The following PTPRE variants were observed in gnomAD, a reference collection of about 807,000 sequenced individuals.
The protein encoded by PTPRE is protein tyrosine phosphatase receptor type E, also known as receptor-type tyrosine-protein phosphatase epsilon.
In PTPRE, 51 loss-of-function variants were observed where a neutral mutation model predicts 102.0. That is an observed-to-expected ratio of 0.50 (90% CI 0.40 to 0.63). The LOEUF (loss-of-function observed/expected upper bound fraction) is 0.63, where lower values mean the gene tolerates loss of function less well. Ranked by LOEUF, PTPRE falls within the 30% of genes least tolerant of loss-of-function variation. PTPRE has a pLI of 0.00. For missense variants in PTPRE, 752 were observed against 915.1 expected, an observed-to-expected ratio of 0.82 and a Z score of 2.30; for synonymous variants, 345 against 348.2, an observed-to-expected ratio of 0.99 and a Z score of 0.10.
chr10:127,958,138 T>C lies in PTPRE; in HGVS notation c.-30-24136T>C, dbSNP rs554237035. Among the ~76,000 whole-genome samples the C allele has an allele frequency of 2.6e-5, 4 of 152,356 alleles. No homozygotes were observed. The East Asian group carries it at 7.7e-4, about 29-fold the overall frequency. On this transcript the variant is annotated intron_variant, in intron 1 of 20. Transcript: ENST00000254667. ...GTTACATAGATAATCATGTAATCTG[T>C]GAACAAAAATATTTGCATTTTTTAC...
chr10:128,057,183 C>T (rs1319980033), intron 7 of PTPRE, among the ~76,000 whole-genome samples: 2 of 151,668 alleles, frequency 1.3e-5, no homozygotes, highest in African/African-American at 4.8e-5. Flanking sequence ...CGCCATTGCA[C>T]TCCAGCCTGG....
rs1258842445 is a variant in PTPRE, at chr10:128,047,847, C to A, written c.283+10C>A. On this transcript the variant is annotated intron_variant, in intron 5 of 20. Transcript: ENST00000254667. ...ATCTTGGAGGAGCAAGGTACAGAAGCTGCTCTCTGGCTGGGGCTTGGGGGA... is the reference window on the plus strand; with the variant it reads ...ATCTTGGAGGAGCAAGGTACAGAAGATGCTCTCTGGCTGGGGCTTGGGGGA... The A allele has an allele frequency of 6.3e-7, 1 of 1,577,882 alleles. No individual in the cohort carries two copies. Among genetic ancestry groups the A allele is most frequent in the South Asian group, 1.1e-5 (1 of 87,982 alleles).
Position 127,907,383 on chromosome 10 carries a change from G to A in PTPRE, c.-31+74G>A, listed in dbSNP as rs1845548483. 3.1e-6 allele frequency: 3 copies of A among 963,566 alleles called. No individual in the cohort carries two copies. The highest frequency in any genetic ancestry group is 1.8e-5 in the African/African-American group (1 of 56,612). The allele number at this position is 963,566 out of a possible 1,614,324, so 59.7% of individuals were successfully genotyped here. ...CACCCCGGGAGGCCCAAGCAGGCCG[G>A]GGCGCTGCCTCGGCCGCTGCCGCGG... On this transcript the variant is annotated intron_variant, in intron 1 of 20. Coordinates refer to ENST00000254667, the MANE Select transcript of PTPRE (RefSeq NM_006504.6). This position sits in a 1 kb window ranked among gnomAD's most constrained non-coding sequence, Gnocchi z 4.8.
chr10:128,060,054 CA>C (rs1849405890), intron 7 of PTPRE, among the ~76,000 whole-genome samples: 1 of 146,784 alleles, frequency 6.8e-6, no homozygotes, highest in African/African-American at 2.5e-5. Flanking sequence ...ATACCACACA[CA>C]TACACACCAC....
intron 1 of PTPRE, among the ~76,000 whole-genome samples, chr10:127,910,245 A>G (rs1845776413): frequency 6.6e-6 from 1 of 152,090 alleles, no homozygotes. Flanking sequence ...TCTTCCATAA[A>G]GCTCCCAAAG....
intron 2 of PTPRE, among the ~76,000 whole-genome samples, chr10:128,017,954 C>T (rs1428487195): frequency 6.6e-6 from 1 of 152,240 alleles, no homozygotes; most frequent in Admixed American, 6.5e-5. Flanking sequence ...TCGCATCACA[C>T]ACAGGGACAG....
At chr10:128,080,859 G>A (rs1388597719) in intron 20 of PTPRE, among the ~76,000 whole-genome samples, 1 of 152,210 alleles carries the variant, frequency 6.6e-6, no homozygotes, top group African/African-American at 2.4e-5. Flanking sequence ...ATCAGCAAAC[G>A]AATGAGGGAG....
At chr10:128,057,507 G>T (rs1432828826) in intron 7 of PTPRE, among the ~76,000 whole-genome samples, 1 of 152,194 alleles carries the variant, frequency 6.6e-6, no homozygotes, top group Non-Finnish European at 1.5e-5. Flanking sequence ...GAGTTCATCT[G>T]CTCTGTATGT....
intron 2 of PTPRE, chr10:127,998,066 A>G (rs1028490164): frequency 2.0e-5 from 3 of 152,226 alleles, no homozygotes; most frequent in Admixed American, 1.3e-4. Context: ...CACAGCAGCA[A>G]TACTGCACCA....
At chr10:127,985,498 C>T (rs566326597) in intron 2 of PTPRE, among the ~76,000 whole-genome samples, 17 of 152,118 alleles carry the variant, frequency 1.1e-4, no homozygotes, top group African/African-American at 3.6e-4. Flanking sequence ...GCAGGAGAAT[C>T]GCTTGAGTCT....
chr10:128,046,987 C>T (rs1848143177), intron 3 of PTPRE, among the ~76,000 whole-genome samples: 1 of 152,224 alleles, frequency 6.6e-6, no homozygotes, highest in African/African-American at 2.4e-5. Flanking sequence ...CCTGCCCAAG[C>T]CCAAGGGGCC....
chr10:127,998,556 C>T (rs994734362), intron 2 of PTPRE: 1 of 152,214 alleles, frequency 6.6e-6, no homozygotes, highest in Non-Finnish European at 1.5e-5. Flanking sequence ...AGAAAGTGCT[C>T]TGTAAACAGT....
chr10:128,030,863 C>T (rs1438350323), intron 2 of PTPRE, among the ~76,000 whole-genome samples: 3 of 152,174 alleles, frequency 2.0e-5, no homozygotes, highest in Non-Finnish European at 4.4e-5. Flanking sequence ...CTCCCTTTCT[C>T]CCCAGGCAGC....
chr10:127,947,366 A>C (rs574441212), intron 1 of PTPRE, among the ~76,000 whole-genome samples: 1 of 152,306 alleles, frequency 6.6e-6, no homozygotes, highest in South Asian at 2.1e-4. Flanking sequence ...ACCTCCCCTG[A>C]TTGTCTTCTT....
chr10:127,992,051 G>C (rs537178286), intron 2 of PTPRE, among the ~76,000 whole-genome samples: 1 of 152,102 alleles, frequency 6.6e-6, no homozygotes, highest in Non-Finnish European at 1.5e-5. Context: ...CCAGCACCTC[G>C]GGGCCCCCAG....
In PTPRE at chr10:128,028,208, G is replaced by C. The variant is rs1251116274; in HGVS notation, c.-7-12667G>C. Among the ~76,000 whole-genome samples, 3 of 152,162 alleles carry C rather than the reference G, an allele frequency of 2.0e-5. No homozygotes were observed. The highest frequency in any genetic ancestry group is 7.2e-5 in the African/African-American group (3 of 41,438). On this transcript the variant is annotated intron_variant, in intron 2 of 20. Transcript: ENST00000254667. This position sits in a 1 kb window ranked among gnomAD's most constrained non-coding sequence, Gnocchi z 4.5. ...GGTTAGCCATGTTTGTCAGGCTCAG[G>C]GAGAAGTGAGGAGGCCTCCTTACCA...
Position 127,992,124 on chromosome 10 carries a change from G to A in PTPRE, c.-8+9828G>A, listed in dbSNP as rs182218318. On this transcript the variant is annotated intron_variant, in intron 2 of 20. Transcript: ENST00000254667. ...GATGGGAAACACAGCTAGCAAGGAGGTGGCAGGAGGGGTGCAGATCAGAGG... is the reference window on the plus strand; with the variant it reads ...GATGGGAAACACAGCTAGCAAGGAGATGGCAGGAGGGGTGCAGATCAGAGG... Among the ~76,000 whole-genome samples the A allele has an allele frequency of 3.3e-3, 498 of 152,276 alleles. 2 individuals carry two copies. Among genetic ancestry groups the A allele is most frequent in the African/African-American group, 0.011 (458 of 41,558 alleles).
intron 1 of PTPRE, among the ~76,000 whole-genome samples, chr10:127,976,978 C>G (rs560197507): frequency 1.3e-5 from 2 of 152,184 alleles, no homozygotes; most frequent in Non-Finnish European, 2.9e-5. Flanking sequence ...GCGGTTCTGT[C>G]CATTCCCCAC....
intron 1 of PTPRE, among the ~76,000 whole-genome samples, chr10:127,974,042 ATTC>A (rs1259640922): frequency 2.6e-5 from 4 of 152,158 alleles, no homozygotes; most frequent in African/African-American, 9.7e-5. Flanking sequence ...CCTGCCCCTT[ATTC>A]TTCTCTGCAG....
Sources: allele counts gnomAD v4.1 joint callset (sites outside exome capture counted in the v4.1 genomes callset), GRCh38; gene constraint gnomAD v4.1.1; non-coding constraint Gnocchi (gnomAD v3.1); transcripts MANE v1.5; gene names NCBI Gene and HGNC (gene_info 2026-07-23, HGNC 2026-07-21).